NME7: variants seen among roughly 807,000 people sequenced by gnomAD.
NME7 encodes the protein NME/NM23 family member 7, also known as nucleoside diphosphate kinase 7.
A neutral mutation model predicts 49.1 loss-of-function variants in NME7; 41 were observed. That is an observed-to-expected ratio of 0.83 (90% CI 0.65 to 1.08). NME7 has a LOEUF of 1.08. Among genes scored for constraint, NME7 ranks in the 50% least tolerant of loss-of-function variants. The pLI is 0.00. For missense variants in NME7, 423 were observed against 463.4 expected, an observed-to-expected ratio of 0.91 and a Z score of 0.80; for synonymous variants, 139 against 150.6, an observed-to-expected ratio of 0.92 and a Z score of 0.56.
chr1:169,226,413 G>C (rs990183700), intron 10 of NME7, among the ~76,000 whole-genome samples: 4 of 152,120 alleles, frequency 2.6e-5, no homozygotes, highest in Admixed American at 6.6e-5. Context: ...GGAGAGAAAA[G>C]GGGGAAAGAA....
chr1:169,151,557 AGAGAT>A (rs1658915439), intron 11 of NME7, among the ~76,000 whole-genome samples: 1 of 152,110 alleles, frequency 6.6e-6, no homozygotes. Flanking sequence ...GGAGGCTGGA[AGAGAT>A]GACCTCCGCT....
intron 9 of NME7, among the ~76,000 whole-genome samples, chr1:169,234,741 G>T (rs545974839): frequency 6.6e-6 from 1 of 152,172 alleles, no homozygotes; most frequent in East Asian, 1.9e-4. Flanking sequence ...AAAAAGAAGA[G>T]AACTGAATTT....
At chr1:169,170,353 T>C (rs1183392814) in intron 10 of NME7, among the ~76,000 whole-genome samples, 1 of 152,164 alleles carries the variant, frequency 6.6e-6, no homozygotes, top group Non-Finnish European at 1.5e-5. Context: ...TCAGAAAGAA[T>C]CATGACAGGT....
intron 3 of NME7, among the ~76,000 whole-genome samples, chr1:169,318,911 A>G (rs1353625857): frequency 2.6e-5 from 4 of 152,160 alleles, no homozygotes; most frequent in African/African-American, 4.8e-5. Flanking sequence ...GTGAAGTGCC[A>G]TAACAACCAG....
intron 11 of NME7, among the ~76,000 whole-genome samples, chr1:169,144,227 A>C (rs1658688646): frequency 6.6e-6 from 1 of 152,152 alleles, no homozygotes; most frequent in African/African-American, 2.4e-5. Context: ...CAAAGACAAA[A>C]ATAAAAAACC....
intron 4 of NME7, among the ~76,000 whole-genome samples, chr1:169,304,086 G>C (rs1651080939): frequency 6.6e-6 from 1 of 152,064 alleles, no homozygotes; most frequent in South Asian, 2.1e-4. Context: ...CTAAAAAAGG[G>C]GAGAATATGG....
At chr1:169,201,342 G>A (rs531526269) in intron 10 of NME7, among the ~76,000 whole-genome samples, 3 of 152,258 alleles carry the variant, frequency 2.0e-5, no homozygotes, top group Admixed American at 6.5e-5. Context: ...AGGAGACATT[G>A]GGAGCCACAG....
At chr1:169,146,478 G>A (rs1447416182) in intron 11 of NME7, among the ~76,000 whole-genome samples, 1 of 152,186 alleles carries the variant, frequency 6.6e-6, no homozygotes, top group African/African-American at 2.4e-5. Flanking sequence ...ATCAGGTGGT[G>A]TACCTAAGGG....
intron 10 of NME7, among the ~76,000 whole-genome samples, chr1:169,188,619 T>C (rs1420085871): frequency 6.6e-6 from 1 of 152,214 alleles, no homozygotes; most frequent in Non-Finnish European, 1.5e-5. Context: ...TTTCAGAAAG[T>C]TTAACTCTGA....
chr1:169,184,092 A>G (rs1253833737), intron 10 of NME7, among the ~76,000 whole-genome samples: 1 of 152,028 alleles, frequency 6.6e-6, no homozygotes, highest in African/African-American at 2.4e-5. Context: ...TTCTCTTCCT[A>G]ATAGAATTGT....
At chr1:169,145,080 A>G (rs1228624720) in intron 11 of NME7, among the ~76,000 whole-genome samples, 2 of 152,232 alleles carry the variant, frequency 1.3e-5, no homozygotes, top group Admixed American at 1.3e-4. Flanking sequence ...AATAGTAAGC[A>G]GCAGATTTTA....
intron 2 of NME7, among the ~76,000 whole-genome samples, chr1:169,323,922 C>T (rs913106460): frequency 7.0e-6 from 1 of 143,178 alleles, no homozygotes; most frequent in Non-Finnish European, 1.5e-5. Context: ...GGCGTGATCT[C>T]AGCTCACTGC....
At chr1:169,301,915 C>T (rs539857500) in intron 5 of NME7, 1 of 152,164 alleles carries the variant, frequency 6.6e-6, no homozygotes, top group South Asian at 2.1e-4. Context: ...CTGTGGACTA[C>T]TAGAGGAGAG....
chr1:169,258,070 G>C (rs1418960000), intron 7 of NME7, among the ~76,000 whole-genome samples: 1 of 132,684 alleles, frequency 7.5e-6, no homozygotes, highest in Non-Finnish European at 1.8e-5. Flanking sequence ...TGGCACAGTG[G>C]CTCATACCTA....
In NME7 at chr1:169,213,238, G is replaced by C. The variant is rs1016135999; in HGVS notation, c.990+17480C>G. On this transcript the variant is annotated intron_variant, in intron 10 of 11. Transcript: ENST00000367811. Reference sequence around the variant, plus strand: ...TATTGATCATTAATATATTTGTTGTGACCACAGGCTCACAGGAACCTAACT... The same window carrying C: ...TATTGATCATTAATATATTTGTTGTCACCACAGGCTCACAGGAACCTAACT... 3.3e-5 allele frequency among the ~76,000 whole-genome samples: 5 copies of C among 152,060 alleles called. No individual in the cohort carries two copies. The South Asian group carries it at 1.0e-3, about 32-fold the overall frequency.
intron 1 of NME7, among the ~76,000 whole-genome samples, chr1:169,330,306 C>G (rs1652204890): frequency 6.6e-6 from 1 of 152,118 alleles, no homozygotes; most frequent in African/African-American, 2.4e-5. Flanking sequence ...GATATTATAA[C>G]ACTGTAACTG....
intron 11 of NME7, among the ~76,000 whole-genome samples, chr1:169,136,233 G>A (rs947202295): frequency 2.6e-5 from 4 of 152,188 alleles, no homozygotes; most frequent in Admixed American, 2.0e-4. Context: ...AGGAGCAGGG[G>A]TTCTGAAATA....
At chr1:169,220,800 T>A (rs186252753) in intron 10 of NME7, among the ~76,000 whole-genome samples, 1 of 152,360 alleles carries the variant, frequency 6.6e-6, no homozygotes, top group East Asian at 1.9e-4. Flanking sequence ...ACAAAATGCT[T>A]ATAAAATAAA....
intron 10 of NME7, among the ~76,000 whole-genome samples, chr1:169,176,017 T>C (rs573478917): frequency 6.6e-6 from 1 of 152,294 alleles, no homozygotes; most frequent in East Asian, 1.9e-4. Context: ...AAACAGCACA[T>C]GCTAAGTGCT....
Sources: allele counts gnomAD v4.1 joint callset (sites outside exome capture counted in the v4.1 genomes callset), GRCh38; gene constraint gnomAD v4.1.1; transcripts MANE v1.5; gene names NCBI Gene and HGNC (gene_info 2026-07-23, HGNC 2026-07-21).